Variants in RIMBP2 observed in about 807,000 individuals in gnomAD.
RIMBP2 encodes the protein RIMS binding protein 2.
Under a neutral mutation model 118.6 loss-of-function variants are expected in RIMBP2, and 48 were observed. The ratio of observed to expected loss-of-function variants is 0.40; its 90% CI spans 0.32 to 0.51. The LOEUF is 0.51. Ranked by LOEUF, RIMBP2 falls within the 20% of genes least tolerant of loss-of-function variation. The pLI is 0.41. For synonymous variants in RIMBP2, 762 were observed against 742.9 expected (o/e 1.03, Z -0.42); for missense variants, 1,551 against 1,768.3 (o/e 0.88, Z 2.20).
chr12:130,702,547 A>AGAAGGAAGGAAGGAAGGAAG lies in RIMBP2; in HGVS notation c.-352+13655_-352+13674dup, dbSNP rs57904486. On this transcript the variant is annotated intron_variant, in intron 1 of 22. Coordinates refer to ENST00000690449, the MANE Select transcript of RIMBP2 (RefSeq NM_001393629.1). Reference sequence around the variant, plus strand: ...AAAATAAAAAAATAAAAAACAAGAAAGAAGGAAGGAAGGAAGGAAGGAAGG... The same window carrying AGAAGGAAGGAAGGAAGGAAG: ...AAAATAAAAAAATAAAAAACAAGAAAGAAGGAAGGAAGGAAGGAAGGAAGGAAGGAAGGAAGGAAGGAAGG... 4.9e-3 allele frequency among the ~76,000 whole-genome samples: 698 copies of AGAAGGAAGGAAGGAAGGAAG among 141,956 alleles called. 8 individuals carry two copies. Among genetic ancestry groups the AGAAGGAAGGAAGGAAGGAAG allele is most frequent in the African/African-American group, 0.012 (470 of 37,816 alleles). The allele number at this position is 141,956 out of a possible 152,430, so 93.1% of individuals were successfully genotyped here.
intron 1 of RIMBP2, among the ~76,000 whole-genome samples, chr12:130,684,970 G>T (rs1198434714): frequency 6.6e-6 from 1 of 152,184 alleles, no homozygotes; most frequent in Non-Finnish European, 1.5e-5. Flanking sequence ...CTCTCTGGGG[G>T]TCTGGATTAG....
rs937693867 is a variant in RIMBP2 at position 130,424,392 on chromosome 12, C to T, written c.2879G>A (p.Arg960Gln). The T allele has an allele frequency of 5.5e-5, 68 of 1,232,678 alleles. No homozygotes were observed. In the East Asian group the frequency reaches 6.0e-4, roughly 11 times the overall value. The allele number at this position is 1,232,678 out of a possible 1,614,324, so 76.4% of individuals were successfully genotyped here. Residue 960 changes from arginine to glutamine, a missense_variant, in exon 16 of 23, where the codon CGG becomes CAG. Physicochemically the swap from Arg to Gln is conservative, Grantham distance 43. This residue lies in a region of RIMBP2 where 1,038 missense variants were observed against 1,125.1 expected (regional missense o/e 0.92). Transcript: ENST00000690449. This position sits in a 1 kb window ranked among gnomAD's most constrained non-coding sequence, Gnocchi z 9.8. ...CRRGPRPLLA[R>Q]RRTLTRQSSV... Reference sequence around the variant, plus strand: ...GCTCTGCCGGGTCAGCGTCCGCCGCCGGGCCAGCAGCGGCCTCGGGCCCCT... The same window carrying T: ...GCTCTGCCGGGTCAGCGTCCGCCGCTGGGCCAGCAGCGGCCTCGGGCCCCT...
At chr12:130,627,087 C>T (rs1210866062) in intron 2 of RIMBP2, among the ~76,000 whole-genome samples, 2 of 152,098 alleles carry the variant, frequency 1.3e-5, no homozygotes, top group Non-Finnish European at 2.9e-5. Context: ...GCATCACCAC[C>T]GTCTCCTCCA....
At chr12:130,570,652 G>A (rs2057561428) in intron 2 of RIMBP2, among the ~76,000 whole-genome samples, 1 of 152,120 alleles carries the variant, frequency 6.6e-6, no homozygotes, top group East Asian at 1.9e-4. Context: ...TCTGCACTGT[G>A]GAGGAGTCGT....
At chr12:130,520,677 A>AAAG (rs2052003507) in intron 2 of RIMBP2, among the ~76,000 whole-genome samples, 1 of 150,410 alleles carries the variant, frequency 6.6e-6, no homozygotes, top group African/African-American at 2.4e-5. Context: ...CATCTCAAAA[A>AAAG]AAAAAAAAAA....
chr12:130,541,898 T>A (rs2054643236), intron 2 of RIMBP2, among the ~76,000 whole-genome samples: 2 of 152,200 alleles, frequency 1.3e-5, no homozygotes, highest in African/African-American at 4.8e-5. Context: ...AAGCAGAGGT[T>A]CTCTTCTGAG....
rs541029934 is a variant in RIMBP2 at position 130,620,514 on chromosome 12, A to G, written c.-217+7808T>C. Among the ~76,000 whole-genome samples the G allele has an allele frequency of 6.6e-4, 100 of 152,334 alleles. No homozygotes were observed. Among genetic ancestry groups the G allele is most frequent in the African/African-American group, 2.4e-3 (99 of 41,594 alleles). On this transcript the variant is annotated intron_variant, in intron 2 of 22. Transcript: ENST00000690449. The surrounding 1 kb of genome is among the most constrained non-coding windows in gnomAD (Gnocchi z 5.3). ...TACGACAAGCCAGGAGGCTTGAAGAACAGGCATGCACGGCCCCACAGTCCC... is the reference window on the plus strand; with the variant it reads ...TACGACAAGCCAGGAGGCTTGAAGAGCAGGCATGCACGGCCCCACAGTCCC...
At chr12:130,669,298 C>T (rs976629025) in intron 1 of RIMBP2, 5 of 152,194 alleles carry the variant, frequency 3.3e-5, no homozygotes, top group African/African-American at 1.2e-4. Context: ...AGGCTAAAAA[C>T]TGGAATAGTA....
At chr12:130,705,918 G>A (rs143860108) in intron 1 of RIMBP2, among the ~76,000 whole-genome samples, 150 of 152,326 alleles carry the variant, frequency 9.8e-4, no homozygotes, top group African/African-American at 3.4e-3. Context: ...TACCGTGACC[G>A]GCTCACTTCG....
chr12:130,553,152 CAA>C (rs56149968), intron 2 of RIMBP2, among the ~76,000 whole-genome samples: 14 of 113,984 alleles, frequency 1.2e-4, no homozygotes, highest in East Asian at 2.4e-4. Flanking sequence ...GACTCCATCT[CAA>C]AAAAAAAAAA....
rs2632602 is a variant in RIMBP2, at chr12:130,703,679, C to T, written c.-352+12543G>A. 0.71 allele frequency among the ~76,000 whole-genome samples: 108,512 copies of T among 152,176 alleles called. 39,655 individuals carry two copies. Among genetic ancestry groups the T allele is most frequent in the Middle Eastern group, 0.85 (251 of 294 alleles). Reference sequence around the variant, plus strand: ...CTACATCACCCACCGCTCAGCCTCCCCTGGGGTCGGGTGGCTTCTCCACGT... The same window carrying T: ...CTACATCACCCACCGCTCAGCCTCCTCTGGGGTCGGGTGGCTTCTCCACGT... On this transcript the variant is annotated intron_variant, in intron 1 of 22. Transcript: ENST00000690449. This position sits in a 1 kb window ranked among gnomAD's most constrained non-coding sequence, Gnocchi z 5.7.
intron 2 of RIMBP2, among the ~76,000 whole-genome samples, chr12:130,593,434 C>T (rs908259374): frequency 6.6e-6 from 1 of 152,262 alleles, no homozygotes; most frequent in Non-Finnish European, 1.5e-5. Flanking sequence ...AGAGACCAAT[C>T]TTGTTAGCCG....
rs1256661436 is a variant in RIMBP2 at position 130,447,841 on chromosome 12, T to TGGAG, written c.581+2355_581+2358dup. On this transcript the variant is annotated intron_variant, in intron 9 of 22. Transcript: ENST00000690449. The surrounding 1 kb of genome is among the most constrained non-coding windows in gnomAD (Gnocchi z 4.4). ...CATGGACACAGAGGCAGCCCCTGCA[T>TGGAG]GGAGGGCGGGGAGAGGCCGCTCGGC... 1.3e-5 allele frequency among the ~76,000 whole-genome samples: 2 copies of TGGAG among 152,118 alleles called. No homozygotes were observed. The highest frequency in any genetic ancestry group is 2.9e-5 in the Non-Finnish European group (2 of 67,998).
intron 4 of RIMBP2, among the ~76,000 whole-genome samples, chr12:130,479,614 G>T (rs934542712): frequency 1.6e-5 from 2 of 127,202 alleles, no homozygotes; most frequent in Admixed American, 7.0e-5. Context: ...TCCCGGCCTC[G>T]GGCCGAGTCC....
Position 130,407,522 on chromosome 12 carries a change from C to G in RIMBP2, c.3693+204G>C, listed in dbSNP as rs570201027. ...CCATGGGGACAGGGCTTGTCAGGGG[C>G]TGGCCATGTCCCTGGGAATCCCATG... On this transcript the variant is annotated intron_variant, in intron 20 of 22. Coordinates refer to ENST00000690449, the MANE Select transcript of RIMBP2 (RefSeq NM_001393629.1). Among the ~76,000 whole-genome samples the G allele has an allele frequency of 3.3e-5, 5 of 152,316 alleles. No homozygotes were observed. The East Asian group carries it at 9.6e-4, about 29-fold the overall frequency.
intron 2 of RIMBP2, among the ~76,000 whole-genome samples, chr12:130,585,292 A>G (rs2058811616): frequency 1.3e-5 from 2 of 152,158 alleles, no homozygotes; most frequent in South Asian, 4.1e-4. Flanking sequence ...CTTTCTGCTC[A>G]TGAGGCGGGG....
chr12:130,654,822 C>T (rs939158860), intron 1 of RIMBP2, among the ~76,000 whole-genome samples: 4 of 152,180 alleles, frequency 2.6e-5, no homozygotes, highest in African/African-American at 7.2e-5. Flanking sequence ...AGCTTCCAAT[C>T]ATGGTGGAAG....
At chr12:130,587,516 C>T (rs1430246930) in intron 2 of RIMBP2, among the ~76,000 whole-genome samples, 3 of 89,130 alleles carry the variant, frequency 3.4e-5, no homozygotes, top group East Asian at 6.2e-4. Flanking sequence ...ATGATGAGTT[C>T]GTGTCCTTTG....
At chr12:130,430,893 A>G (rs1357658721) in intron 14 of RIMBP2, among the ~76,000 whole-genome samples, 1 of 152,090 alleles carries the variant, frequency 6.6e-6, no homozygotes, top group Non-Finnish European at 1.5e-5. Flanking sequence ...GGCCTCCCAA[A>G]GTGCTGGGAA....
Sources: gnomAD v4.1 joint callset for allele counts (sites outside exome capture counted in the v4.1 genomes callset) on GRCh38, gnomAD v4.1.1 for gene constraint, gnomAD v4.1.1 regional missense constraint, Gnocchi (gnomAD v3.1) non-coding constraint, MANE v1.5 for transcripts, NCBI Gene and HGNC (gene_info 2026-07-23, HGNC 2026-07-21) for gene names.